FAM110B: variants seen among roughly 807,000 people sequenced by gnomAD.
The protein encoded by FAM110B is family with sequence similarity 110 member B.
A neutral mutation model predicts 20.4 loss-of-function variants in FAM110B; 6 were observed. That is an observed-to-expected ratio of 0.29 (90% confidence interval 0.16 to 0.58). The LOEUF (loss-of-function observed/expected upper bound fraction) is 0.58. FAM110B is among the 20% of genes least tolerant of loss of function. The probability of loss-of-function intolerance (pLI) is 0.90; values close to 1 mark genes in which losing one functional copy is unlikely to be tolerated. For missense variants in FAM110B, 434 were observed against 498.2 expected (o/e 0.87, Z 1.23); for synonymous variants, 226 against 214.1 (o/e 1.06, Z -0.49).
At chr8:58,064,192 C>T (rs948448464) in intron 2 of FAM110B, among the ~76,000 whole-genome samples, 3 of 152,168 alleles carry the variant, frequency 2.0e-5, no homozygotes, top group African/African-American at 7.2e-5. Context: ...CAGGCCTCAC[C>T]TCCAACACTG....
intron 1 of FAM110B, among the ~76,000 whole-genome samples, chr8:58,016,164 A>C (rs1159223284): frequency 6.6e-6 from 1 of 152,152 alleles, no homozygotes; most frequent in Non-Finnish European, 1.5e-5. Context: ...TGCCACTTTG[A>C]TGGTATTTTT....
chr8:58,146,032 G>C lies in FAM110B; in HGVS notation c.-199G>C. The stretch of plus-strand genomic sequence containing the variant: ...GGCCTTTTTGTGCAAGGGCCGCCTG[G>C]AAGGGGAGAAAAGTGTATGAAAGCC... On this transcript the variant is annotated 5_prime_UTR_variant, in exon 4 of 4. Coordinates refer to ENST00000519262, the MANE Select transcript of FAM110B (RefSeq NM_001377989.1). The C allele has an allele frequency of 1.8e-6, 1 of 554,444 alleles. No individual in the cohort carries two copies. The allele number at this position is 554,444 out of a possible 1,614,324, so 34.3% of individuals were successfully genotyped here. A position where few individuals can be genotyped will look rare whatever the true frequency, so the allele number is the denominator to read the frequency against.
At chr8:58,086,239 G>A (rs1430877131) in intron 3 of FAM110B, among the ~76,000 whole-genome samples, 2 of 152,038 alleles carry the variant, frequency 1.3e-5, no homozygotes, top group Admixed American at 6.6e-5. Context: ...GCAGTCTTTG[G>A]TCACTACACA....
intron 1 of FAM110B, among the ~76,000 whole-genome samples, chr8:58,000,738 C>T (rs1424375485): frequency 1.3e-5 from 2 of 152,146 alleles, no homozygotes; most frequent in African/African-American, 4.8e-5. Flanking sequence ...CCAGTGAATC[C>T]TGATTACGCT....
intron 3 of FAM110B, among the ~76,000 whole-genome samples, chr8:58,126,850 A>G (rs1807519503): frequency 6.6e-6 from 1 of 152,062 alleles, no homozygotes; most frequent in Non-Finnish European, 1.5e-5. Context: ...TCTGTTGCCT[A>G]TCTTTTCATC....
At chr8:58,038,599 A>G (rs1805134819) in intron 2 of FAM110B, among the ~76,000 whole-genome samples, 1 of 152,118 alleles carries the variant, frequency 6.6e-6, no homozygotes, top group African/African-American at 2.4e-5. Flanking sequence ...TAAAAACGCA[A>G]AAGTTAGCCA....
chr8:58,137,499 G>T (rs1392407319), intron 3 of FAM110B, among the ~76,000 whole-genome samples: 1 of 152,132 alleles, frequency 6.6e-6, no homozygotes, highest in Non-Finnish European at 1.5e-5. Flanking sequence ...GGCGGAGGTT[G>T]CAGTGAGCTA....
chr8:58,127,963 G>A (rs546305576), intron 3 of FAM110B, among the ~76,000 whole-genome samples: 273 of 152,258 alleles, frequency 1.8e-3, no homozygotes, highest in African/African-American at 6.4e-3. Context: ...ATTTTTACAA[G>A]AACATCTAGA....
chr8:58,061,313 C>T (rs561211413), intron 2 of FAM110B, among the ~76,000 whole-genome samples: 42 of 152,284 alleles, frequency 2.8e-4, no homozygotes, highest in African/African-American at 9.4e-4. Context: ...ATACTTTGTG[C>T]CATTTCTTCC....
chr8:58,132,766 G>A (rs1803507999), intron 3 of FAM110B, among the ~76,000 whole-genome samples: 1 of 152,204 alleles, frequency 6.6e-6, no homozygotes, highest in African/African-American at 2.4e-5. Context: ...AAGAGATCAT[G>A]AGGCACCAAA....
intron 2 of FAM110B, among the ~76,000 whole-genome samples, chr8:58,048,757 ACT>A (rs1399869467): frequency 6.6e-6 from 1 of 152,146 alleles, no homozygotes; most frequent in Non-Finnish European, 1.5e-5. Context: ...ATTTCCAAGC[ACT>A]CTGTTTTGCA....
intron 3 of FAM110B, chr8:58,113,394 C>T (rs1261382555): frequency 4.7e-6 from 1 of 211,054 alleles, no homozygotes; most frequent in African/African-American, 2.3e-5. Flanking sequence ...TGACACATTT[C>T]TTCCTGTAAA....
intron 3 of FAM110B, among the ~76,000 whole-genome samples, chr8:58,095,092 G>A (rs180778612): frequency 9.4e-4 from 143 of 152,218 alleles, no homozygotes; most frequent in African/African-American, 3.4e-3. Flanking sequence ...GATCGGTGGT[G>A]ATATCCCCTT....
chr8:58,146,744 A>T lies in FAM110B; in HGVS notation c.514A>T (p.Arg172Trp). ...SLKVYPTQGR[R>W]SPQEGGSHVG... ...GAAGGTCTACCCCACGCAGGGCCGC[A>T]GGAGCCCGCAGGAGGGCGGCTCCCA... Residue 172 changes from arginine (R) to tryptophan (W), a missense_variant, in exon 4 of 4, where the codon AGG (arginine) becomes TGG (tryptophan). Arg to Trp is a moderately radical substitution (Grantham distance 101, BLOSUM62 -3). Transcript: ENST00000519262. The T allele has an allele frequency of 6.2e-7, 1 of 1,611,822 alleles. No homozygotes were observed. Among genetic ancestry groups the T allele is most frequent in the Non-Finnish European group, 8.5e-7 (1 of 1,179,004 alleles).
chr8:58,077,800 G>T (rs1806074991), intron 3 of FAM110B, among the ~76,000 whole-genome samples: 1 of 152,152 alleles, frequency 6.6e-6, no homozygotes, highest in Non-Finnish European at 1.5e-5. Context: ...TATTTACCTA[G>T]ATCAGGAAAG....
intron 1 of FAM110B, among the ~76,000 whole-genome samples, chr8:58,021,656 TA>T (rs1468766046): frequency 1.3e-5 from 2 of 152,188 alleles, no homozygotes; most frequent in Non-Finnish European, 2.9e-5. Flanking sequence ...CACTGTGCTA[TA>T]AATGCTACCT....
chr8:58,087,558 TCGC>T (rs1233786098), intron 3 of FAM110B, among the ~76,000 whole-genome samples: 1 of 152,142 alleles, frequency 6.6e-6, no homozygotes. Context: ...TCTGCCTCAT[TCGC>T]CATCACAACT....
At position 58,147,183 on chromosome 8, in the gene FAM110B, G is replaced by A. The variant is rs1311775459; in HGVS notation, c.953G>A (p.Cys318Tyr). 6.2e-7 allele frequency: 1 copy of A among 1,614,138 alleles called. No individual in the cohort carries two copies. Among genetic ancestry groups the A allele is most frequent in the Non-Finnish European group, 8.5e-7 (1 of 1,180,034 alleles). Residue 318 changes from cysteine (C) to tyrosine (Y), a missense_variant, in exon 4 of 4, where the codon TGT becomes TAT. Transcript: ENST00000519262. ...AGCGCAAGCATGATCAGCTCAGACT[G>A]TGAACAGTCTCAGGACAGTAACAGT... is the stretch of plus-strand genomic sequence containing the variant. ...FRSASMISSD[C>Y]EQSQDSNSDL...
rs11318984 is a variant in FAM110B, at chr8:58,015,844, C to CAA, written c.-511-15747_-511-15746dup. On this transcript the variant is annotated intron_variant, in intron 1 of 3. Transcript: ENST00000519262. ...TGGGTGACAGAGCAAGACTTTGTCT[C>CAA]AAAAAAAAAAAAAAAAGAAAAAGAA... 8.8e-3 allele frequency among the ~76,000 whole-genome samples: 897 copies of CAA among 101,504 alleles called. 13 individuals carry two copies. Among genetic ancestry groups the CAA allele is most frequent in the African/African-American group, 0.03 (821 of 27,348 alleles). 66.6% of individuals were successfully genotyped at this position (101,504 alleles called of 152,430 possible). A position where few individuals can be genotyped will look rare whatever the true frequency, so the allele number is the denominator to read the frequency against.
Sources: allele counts gnomAD v4.1 joint callset (sites outside exome capture counted in the v4.1 genomes callset), GRCh38; gene constraint gnomAD v4.1.1; transcripts MANE v1.5; gene names NCBI Gene and HGNC (gene_info 2026-07-23, HGNC 2026-07-21).